ARIH2: variants seen among roughly 807,000 people sequenced by gnomAD.
ARIH2 encodes ariadne RBR E3 ubiquitin protein ligase 2.
ARIH2 carries 12 observed loss-of-function variants against 79.8 expected under a neutral mutation model. The observed-to-expected ratio is 0.15, with a 90% CI of 0.10 to 0.24. The LOEUF is 0.24. Ranked by LOEUF, ARIH2 falls within the 10% of genes least tolerant of loss-of-function variation. The pLI, the probability that ARIH2 is intolerant of heterozygous loss-of-function variation, is 1.00. For synonymous variants in ARIH2, 224 were observed against 213.9 expected (o/e 1.05, Z -0.41); for missense variants, 301 against 618.3 (o/e 0.49, Z 5.44).
At chr3:48,934,893 T>A in intron 3 of ARIH2, 1 of 985,420 alleles carries the variant, frequency 1.0e-6, no homozygotes, top group Non-Finnish European at 1.2e-6. Context: ...AGTCTTTTTG[T>A]TGTGCTTTCT....
intron 11 of ARIH2, among the ~76,000 whole-genome samples, chr3:48,976,767 T>C (rs2092524045): frequency 6.6e-6 from 1 of 152,198 alleles, no homozygotes; most frequent in Non-Finnish European, 1.5e-5. Flanking sequence ...AGAAGCCCCC[T>C]GGGTGTCCAT....
At chr3:48,923,259 G>A (rs1451151262) in intron 2 of ARIH2, among the ~76,000 whole-genome samples, 1 of 151,732 alleles carries the variant, frequency 6.6e-6, no homozygotes, top group African/African-American at 2.4e-5. Context: ...AAATTAGCTG[G>A]GCATTGTGGC....
At chr3:48,919,069 C>T in intron 1 of ARIH2, 71 bp downstream of exon 1, 1 of 1,305,442 alleles carries the variant, frequency 7.7e-7, no homozygotes, top group Non-Finnish European at 9.7e-7. Flanking sequence ...CCGCGCGCCT[C>T]CCTGGCCGGG....
chr3:48,941,693 C>T lies in ARIH2; in HGVS notation c.255+13880C>T, dbSNP rs575280675. Reference sequence around the variant, plus strand: ...CTGCAAGCTCCACCTCCCGGGTTCACGCCATTCTCCTGCCTCAGCTTCCCG... The same window carrying T: ...CTGCAAGCTCCACCTCCCGGGTTCATGCCATTCTCCTGCCTCAGCTTCCCG... On this transcript the variant is annotated intron_variant, in intron 3 of 15. Transcript: ENST00000356401. Among the ~76,000 whole-genome samples, 315 of 150,110 alleles carry T rather than the reference C, an allele frequency of 2.1e-3. 1 individual carries two copies. Among genetic ancestry groups the T allele is most frequent in the Admixed American group, 4.1e-3 (62 of 15,040 alleles).
chr3:48,966,524 G>A (rs1421086509), intron 5 of ARIH2, among the ~76,000 whole-genome samples: 1 of 151,930 alleles, frequency 6.6e-6, no homozygotes, highest in African/African-American at 2.4e-5. Flanking sequence ...CATCCCCCCC[G>A]CCAATATTAA....
intron 11 of ARIH2, among the ~76,000 whole-genome samples, chr3:48,976,866 T>C (rs2092529841): frequency 6.6e-6 from 1 of 151,432 alleles, no homozygotes; most frequent in Non-Finnish European, 1.5e-5. Context: ...ATTGTGCCAC[T>C]GAACTCCAGC....
At position 48,918,937 on chromosome 3, in the gene ARIH2, C is replaced by G. The variant is rs1313442378; in HGVS notation, c.-223C>G. On this transcript the variant is annotated 5_prime_UTR_variant, in exon 1 of 16. Transcript: ENST00000356401. The stretch of plus-strand genomic sequence containing the variant: ...GCCGCTTCGCCCCAATCCGGTCCCT[C>G]TGGCCCGGCCTGACCCGGTCTGGCT... 3.2e-6 allele frequency: 5 copies of G among 1,576,116 alleles called. No individual in the cohort carries two copies. The highest frequency in any genetic ancestry group is 2.7e-5 in the African/African-American group (2 of 74,162).
intron 14 of ARIH2, 150 bp downstream of exon 14, chr3:48,981,878 T>A: frequency 4.9e-6 from 3 of 607,464 alleles, no homozygotes; most frequent in Non-Finnish European, 8.7e-6. Flanking sequence ...ACTTCTGCTC[T>A]GGGCACCTCC....
At chr3:48,979,413 C>T in intron 11 of ARIH2, 69 bp from the exon 12 acceptor site, 4 of 1,547,418 alleles carry the variant, frequency 2.6e-6, no homozygotes, top group Non-Finnish European at 2.6e-6. Context: ...GTCTGTCTCA[C>T]TCCTCTGCCT....
chr3:48,949,937 T>G (rs1178249434), intron 3 of ARIH2, among the ~76,000 whole-genome samples: 1 of 152,036 alleles, frequency 6.6e-6, no homozygotes, highest in African/African-American at 2.4e-5. Context: ...TATCTTTATT[T>G]TCTTTTTTTA....
At chr3:48,963,979 T>TAC (rs1486623775) in intron 4 of ARIH2, among the ~76,000 whole-genome samples, 1 of 152,178 alleles carries the variant, frequency 6.6e-6, no homozygotes, top group Non-Finnish European at 1.5e-5. Context: ...TTTAGGAGTT[T>TAC]TGTTTACTCT....
At chr3:48,923,027 G>A (rs965765011) in intron 2 of ARIH2, among the ~76,000 whole-genome samples, 1 of 152,050 alleles carries the variant, frequency 6.6e-6, no homozygotes, top group African/African-American at 2.4e-5. Context: ...CTAAAACGGT[G>A]AAACCCCGTC....
chr3:48,947,321 A>C (rs1384062101), intron 3 of ARIH2, among the ~76,000 whole-genome samples: 1 of 152,068 alleles, frequency 6.6e-6, no homozygotes, highest in Non-Finnish European at 1.5e-5. Flanking sequence ...CATGCCTATA[A>C]TCCCAGCTAC....
intron 14 of ARIH2, 125 bp from the exon 15 acceptor site, chr3:48,982,771 G>T (rs1277530777): frequency 2.8e-6 from 2 of 708,808 alleles, no homozygotes; most frequent in Non-Finnish European, 5.0e-6. Context: ...TACTTTCTGA[G>T]GACAGTATCA....
At chr3:48,949,320 G>A (rs1029234625) in intron 3 of ARIH2, among the ~76,000 whole-genome samples, 5 of 152,020 alleles carry the variant, frequency 3.3e-5, no homozygotes, top group East Asian at 1.9e-4. Flanking sequence ...GGGTTTCACC[G>A]TGTTAGCCAG....
At chr3:48,940,057 T>G (rs2087851216) in intron 3 of ARIH2, among the ~76,000 whole-genome samples, 1 of 151,484 alleles carries the variant, frequency 6.6e-6, no homozygotes, top group African/African-American at 2.4e-5. Flanking sequence ...ATACAAAAAA[T>G]TAGCCAGGCA....
chr3:48,971,407 G>A (rs2092228404), intron 8 of ARIH2, among the ~76,000 whole-genome samples: 1 of 152,170 alleles, frequency 6.6e-6, no homozygotes, highest in African/African-American at 2.4e-5. Context: ...ACCATGCCCA[G>A]CTAATTTTTG....
intron 4 of ARIH2, among the ~76,000 whole-genome samples, chr3:48,963,717 A>G (rs929640448): frequency 1.3e-4 from 20 of 152,206 alleles, no homozygotes; most frequent in African/African-American, 4.6e-4. Flanking sequence ...CAGCAGTGGT[A>G]TATAGGTGTT....
chr3:48,964,656 G>C (rs2091601542), intron 4 of ARIH2, among the ~76,000 whole-genome samples: 1 of 152,034 alleles, frequency 6.6e-6, no homozygotes, highest in Admixed American at 6.6e-5. Context: ...TTATGGCTTG[G>C]CTTTTGACTT....
Sources: gnomAD v4.1 joint callset for allele counts (sites outside exome capture counted in the v4.1 genomes callset) on GRCh38, gnomAD v4.1.1 for gene constraint, MANE v1.5 for transcripts, NCBI Gene and HGNC (gene_info 2026-07-23, HGNC 2026-07-21) for gene names.